PDZRN4: variants seen among roughly 807,000 people sequenced by gnomAD.
The protein encoded by PDZRN4 is PDZ domain containing ring finger 4.
PDZRN4 carries 70 observed loss-of-function variants against 99.0 expected under a neutral mutation model. The ratio of observed to expected loss-of-function variants is 0.71; its 90% confidence interval spans 0.58 to 0.86. The LOEUF (loss-of-function observed/expected upper bound fraction) is 0.86. Ranked by LOEUF, PDZRN4 falls within the 40% of genes least tolerant of loss-of-function variation. PDZRN4 has a pLI of 0.00. For synonymous variants in PDZRN4, 551 were observed against 501.6 expected (o/e 1.10, Z -1.32); for missense variants, 1,474 against 1,331.2 (o/e 1.11, Z -1.67).
intron 3 of PDZRN4, among the ~76,000 whole-genome samples, chr12:41,215,249 C>A (rs752317142): frequency 6.6e-6 from 1 of 151,990 alleles, no homozygotes; most frequent in Admixed American, 6.6e-5. Flanking sequence ...GTTTACTGGG[C>A]TGTCTCAATC....
chr12:41,324,100 T>C (rs1202669384), intron 3 of PDZRN4, among the ~76,000 whole-genome samples: 3 of 152,112 alleles, frequency 2.0e-5, no homozygotes, highest in South Asian at 2.1e-4. Flanking sequence ...GTGTTTTCAA[T>C]ATGATGCTGT....
intron 3 of PDZRN4, among the ~76,000 whole-genome samples, chr12:41,384,919 G>A (rs1952157019): frequency 6.6e-6 from 1 of 152,190 alleles, no homozygotes; most frequent in Admixed American, 6.5e-5. Flanking sequence ...AATTCAGTAA[G>A]TGAAGGCTTT....
intron 3 of PDZRN4, among the ~76,000 whole-genome samples, chr12:41,222,396 A>G (rs564420646): frequency 6.6e-6 from 1 of 152,280 alleles, no homozygotes; most frequent in South Asian, 2.1e-4. Flanking sequence ...TTGAGAGGAA[A>G]CAGGTTGCTG....
intron 3 of PDZRN4, among the ~76,000 whole-genome samples, chr12:41,442,603 A>G (rs868749395): frequency 6.6e-6 from 1 of 152,180 alleles, no homozygotes; most frequent in Non-Finnish European, 1.5e-5. Flanking sequence ...GAAGGCCCAT[A>G]TCACTCTGTC....
At chr12:41,317,240 GGTTGTGGGGCT>G (rs6144693) in intron 3 of PDZRN4, among the ~76,000 whole-genome samples, 77,084 of 151,198 alleles carry the variant, frequency 0.51, 21,327 homozygotes, top group East Asian at 0.67. Context: ...GGACTCACAT[GGTTGTGGGGCT>G]GTCAAATTCA....
intron 3 of PDZRN4, among the ~76,000 whole-genome samples, chr12:41,481,795 G>A (rs952752491): frequency 6.6e-6 from 1 of 151,800 alleles, no homozygotes. Context: ...CAACTAAATC[G>A]AGAGCCTCTC....
Position 41,469,120 on chromosome 12 carries a change from A to C in PDZRN4, c.844-37336A>C, listed in dbSNP as rs534919635. On this transcript the variant is annotated intron_variant, in intron 3 of 9. Transcript: ENST00000402685. ...GGTTTCCTGAATGCTACAGTGAGAT[A>C]CTAGGCAAAGAAATATTTCCTATTC... 1.7e-3 allele frequency among the ~76,000 whole-genome samples: 264 copies of C among 152,338 alleles called. 2 individuals are homozygous for C. Among genetic ancestry groups the C allele is most frequent in the African/African-American group, 6.0e-3 (251 of 41,572 alleles).
intron 3 of PDZRN4, among the ~76,000 whole-genome samples, chr12:41,397,301 G>C (rs1952254523): frequency 2.6e-5 from 4 of 152,112 alleles, no homozygotes; most frequent in Admixed American, 2.0e-4. Context: ...GATGTGTTTA[G>C]CTTTGTACTC....
intron 3 of PDZRN4, among the ~76,000 whole-genome samples, chr12:41,253,906 C>G (rs979311929): frequency 2.6e-5 from 4 of 151,952 alleles, no homozygotes; most frequent in African/African-American, 9.7e-5. Flanking sequence ...ATTGCATATT[C>G]TCACTCATAT....
chr12:41,271,384 T>G (rs1351703112), intron 3 of PDZRN4, among the ~76,000 whole-genome samples: 1 of 152,168 alleles, frequency 6.6e-6, no homozygotes, highest in Non-Finnish European at 1.5e-5. Context: ...GGTACCATTT[T>G]TAAGCATCTA....
intron 3 of PDZRN4, among the ~76,000 whole-genome samples, chr12:41,392,039 GTT>G (rs1177022441): frequency 6.6e-6 from 1 of 152,130 alleles, no homozygotes; most frequent in Non-Finnish European, 1.5e-5. Context: ...GGAGAAACTT[GTT>G]TTTTGTAGTT....
chr12:41,191,482 A>C lies in PDZRN4; in HGVS notation c.673A>C (p.Ile225Leu). 6.4e-7 allele frequency: 1 copy of C among 1,565,788 alleles called. No homozygotes were observed. Among genetic ancestry groups the C allele is most frequent in the South Asian group, 1.1e-5 (1 of 89,942 alleles). Residue 225 changes from isoleucine to leucine, a missense_variant, in exon 2 of 10, where the codon ATT becomes CTT. Physicochemically the swap from Ile to Leu is conservative, Grantham distance 5. Transcript: ENST00000402685. ...GGATGGAGAGCATAAGCCATTCACT[A>C]TTGTGTTAGAAAGAGAAAATGACAC... is the stretch of plus-strand genomic sequence containing the variant. ...RRDGEHKPFT[I>L]VLERENDTLG...
rs192684106 is a variant in PDZRN4, at chr12:41,361,635, C to A, written c.844-144821C>A. 4.6e-3 allele frequency among the ~76,000 whole-genome samples: 698 copies of A among 152,002 alleles called. 4 individuals are homozygous for A. Among genetic ancestry groups the A allele is most frequent in the Middle Eastern group, 0.02 (6 of 294 alleles). ...CTGGTAGACATAAATGACATCCCAT[C>A]ACAAAAAAAGAAGCAAGGAATACAC... On this transcript the variant is annotated intron_variant, in intron 3 of 9. Coordinates refer to ENST00000402685, the MANE Select transcript of PDZRN4 (RefSeq NM_001164595.2).
At chr12:41,558,724 T>C (rs1282583041) in intron 7 of PDZRN4, among the ~76,000 whole-genome samples, 1 of 152,214 alleles carries the variant, frequency 6.6e-6, no homozygotes, top group East Asian at 1.9e-4. Flanking sequence ...CTGATTACTT[T>C]ATATTCTGTG....
chr12:41,470,709 TTC>T (rs1348141054), intron 3 of PDZRN4, among the ~76,000 whole-genome samples: 1 of 152,114 alleles, frequency 6.6e-6, no homozygotes, highest in Non-Finnish European at 1.5e-5. Flanking sequence ...TGTCCATGTG[TTC>T]TCATTGTTCA....
intron 5 of PDZRN4, among the ~76,000 whole-genome samples, chr12:41,533,693 T>C (rs1401622950): frequency 6.6e-6 from 1 of 152,226 alleles, no homozygotes; most frequent in African/African-American, 2.4e-5. Flanking sequence ...CCTACGCATT[T>C]TTTGTATAGC....
At chr12:41,509,949 T>G (rs564974460) in intron 5 of PDZRN4, 36 bp downstream of exon 5, 14 of 1,017,306 alleles carry the variant, frequency 1.4e-5, no homozygotes, top group Non-Finnish European at 1.8e-5. Context: ...CATTTCTTCA[T>G]GAAGTTACGG....
intron 3 of PDZRN4, among the ~76,000 whole-genome samples, chr12:41,216,735 A>G (rs183067879): frequency 2.0e-5 from 3 of 152,126 alleles, no homozygotes; most frequent in East Asian, 1.9e-4. Context: ...TATTTGATTA[A>G]TCATCTGATT....
At position 41,188,844 on chromosome 12, in the gene PDZRN4, G is replaced by A. The variant is rs1346306756; in HGVS notation, c.389G>A (p.Arg130Gln). The A allele has an allele frequency of 1.4e-5, 18 of 1,263,284 alleles. No homozygotes were observed. Among genetic ancestry groups the A allele is most frequent in the South Asian group, 2.7e-5 (1 of 37,496 alleles). 78.3% of individuals were successfully genotyped at this position (1,263,284 alleles called of 1,614,324 possible). Residue 130 changes from arginine to glutamine, a missense_variant, in exon 1 of 10, where the codon CGG becomes CAG. Physicochemically the swap from Arg to Gln is conservative, Grantham distance 43. Transcript: ENST00000402685. The stretch of plus-strand genomic sequence containing the variant: ...CTGGGCGGTGGTGAGGTGCCCGCGC[G>A]GGGGGGCTGCGGTCCGACACCCAGG... ...SGLGGGEVPA[R>Q]GGCGPTPRAG...
Sources: allele counts gnomAD v4.1 joint callset (sites outside exome capture counted in the v4.1 genomes callset), GRCh38; gene constraint gnomAD v4.1.1; transcripts MANE v1.5; gene names NCBI Gene and HGNC (gene_info 2026-07-23, HGNC 2026-07-21).